SLC1A3: variants seen among roughly 807,000 people sequenced by gnomAD.
SLC1A3 encodes solute carrier family 1 member 3, also known as excitatory amino acid transporter 1.
SLC1A3 carries 21 observed loss-of-function variants against 48.1 expected under a neutral mutation model. That is an observed-to-expected ratio of 0.44 (90% CI 0.31 to 0.63). The LOEUF (loss-of-function observed/expected upper bound fraction) is 0.63. Among genes scored for constraint, SLC1A3 ranks in the 20% least tolerant of loss-of-function variants. The pLI is 0.08. For missense variants in SLC1A3, 546 were observed against 689.0 expected, an observed-to-expected ratio of 0.79 and a Z score of 2.32; for synonymous variants, 239 against 251.4, an observed-to-expected ratio of 0.95 and a Z score of 0.47.
chr5:36,680,263 A>G (rs1742384295), intron 7 of SLC1A3, 132 bp from the exon 8 acceptor site: 36 of 781,256 alleles, frequency 4.6e-5, no homozygotes, highest in Middle Eastern at 6.9e-4. Flanking sequence ...CCCTATTTAT[A>G]CAATTGCTGA....
chr5:36,651,288 AC>A (rs1741059665), intron 3 of SLC1A3, among the ~76,000 whole-genome samples: 1 of 151,682 alleles, frequency 6.6e-6, no homozygotes, highest in South Asian at 2.1e-4. Context: ...CACCATCTGC[AC>A]CCTAGTCTGG....
intron 2 of SLC1A3, among the ~76,000 whole-genome samples, chr5:36,621,198 G>A (rs1215184591): frequency 6.6e-6 from 1 of 152,118 alleles, no homozygotes; most frequent in Non-Finnish European, 1.5e-5. Context: ...GAGCCACCAC[G>A]CCTGGCCGAA....
intron 6 of SLC1A3, among the ~76,000 whole-genome samples, chr5:36,678,056 G>C (rs1742283572): frequency 6.6e-6 from 1 of 152,222 alleles, no homozygotes. Flanking sequence ...CCAACGGGGA[G>C]AGAACGCTTT....
intron 2 of SLC1A3, among the ~76,000 whole-genome samples, chr5:36,615,691 G>A (rs1382046599): frequency 6.6e-6 from 1 of 152,226 alleles, no homozygotes; most frequent in Non-Finnish European, 1.5e-5. Flanking sequence ...ATTGTGAAGA[G>A]CCTAACCTGT....
chr5:36,626,550 A>G (rs1458551843), intron 2 of SLC1A3, among the ~76,000 whole-genome samples: 1 of 152,238 alleles, frequency 6.6e-6, no homozygotes, highest in Non-Finnish European at 1.5e-5. Flanking sequence ...CAGATGACCA[A>G]AATGAGCCCC....
chr5:36,658,256 G>C (rs1211751581), intron 3 of SLC1A3, among the ~76,000 whole-genome samples: 1 of 152,160 alleles, frequency 6.6e-6, no homozygotes, highest in Non-Finnish European at 1.5e-5. Context: ...AGAGCAAAGA[G>C]ACAGAGACAG....
chr5:36,599,814 G>GATTT (rs766789573), intron 1 of SLC1A3, among the ~76,000 whole-genome samples: 119 of 151,294 alleles, frequency 7.9e-4, no homozygotes, highest in African/African-American at 2.2e-3. Flanking sequence ...TTTTGAAGAA[G>GATTT]ATTTATTTAT....
intron 2 of SLC1A3, among the ~76,000 whole-genome samples, chr5:36,621,790 C>T (rs1245778294): frequency 1.3e-5 from 2 of 152,150 alleles, no homozygotes; most frequent in Non-Finnish European, 2.9e-5. Context: ...GCCCAGAGAC[C>T]TCTGCATGTT....
intron 3 of SLC1A3, among the ~76,000 whole-genome samples, chr5:36,653,700 G>A (rs780474310): frequency 2.0e-5 from 3 of 152,168 alleles, no homozygotes; most frequent in South Asian, 4.1e-4. Context: ...ATGGAATGCT[G>A]TGATGCCCTG....
intron 2 of SLC1A3, among the ~76,000 whole-genome samples, chr5:36,613,906 A>T (rs557015723): frequency 6.6e-6 from 1 of 152,254 alleles, no homozygotes; most frequent in East Asian, 1.9e-4. Flanking sequence ...ATACAGAAAA[A>T]TTGTCAGGGC....
At chr5:36,678,971 A>G (rs1218291951) in intron 6 of SLC1A3, among the ~76,000 whole-genome samples, 1 of 152,218 alleles carries the variant, frequency 6.6e-6, no homozygotes, top group Non-Finnish European at 1.5e-5. Context: ...ATTTTCTCTT[A>G]AAGTAAATTT....
chr5:36,629,349 T>A, intron 2 of SLC1A3, 101 bp from the exon 3 acceptor site: 2 of 1,038,822 alleles, frequency 1.9e-6, no homozygotes, highest in Non-Finnish European at 2.9e-6. Flanking sequence ...CTTAAATAAA[T>A]ACAACCACCA....
intron 3 of SLC1A3, among the ~76,000 whole-genome samples, chr5:36,648,916 T>G (rs1740942783): frequency 6.6e-6 from 1 of 152,202 alleles, no homozygotes; most frequent in African/African-American, 2.4e-5. Flanking sequence ...CACAAATACA[T>G]ACTTTTATAC....
intron 3 of SLC1A3, among the ~76,000 whole-genome samples, chr5:36,663,380 ATTTTT>A (rs1156283585): frequency 1.2e-4 from 8 of 69,338 alleles, no homozygotes; most frequent in South Asian, 6.3e-4. Context: ...CACGCCCGGC[ATTTTT>A]TTTTTTTTTT....
chr5:36,631,978 G>A (rs1035651057), intron 3 of SLC1A3, among the ~76,000 whole-genome samples: 2 of 152,210 alleles, frequency 1.3e-5, no homozygotes, highest in African/African-American at 4.8e-5. Flanking sequence ...GAGTGGAAAG[G>A]CAACCTCAAA....
chr5:36,608,670 G>A (rs757269750), intron 2 of SLC1A3, 66 bp downstream of exon 2: 1 of 1,599,016 alleles, frequency 6.3e-7, no homozygotes, highest in South Asian at 1.1e-5. Flanking sequence ...GGCTGCCCGG[G>A]GAATATTATC....
At chr5:36,615,936 G>A (rs897034636) in intron 2 of SLC1A3, among the ~76,000 whole-genome samples, 5 of 152,206 alleles carry the variant, frequency 3.3e-5, no homozygotes, top group African/African-American at 1.2e-4. Flanking sequence ...AGTGGCTCAC[G>A]CCTGTAATCC....
upstream of SLC1A3, among the ~76,000 whole-genome samples, chr5:36,604,376 T>C (rs575036463): frequency 1.3e-5 from 2 of 152,116 alleles, no homozygotes. Flanking sequence ...GGGACTTAAC[T>C]ATAAAGTAGA....
chr5:36,678,955 C>T (rs1742322823), intron 6 of SLC1A3, among the ~76,000 whole-genome samples: 1 of 152,116 alleles, frequency 6.6e-6, no homozygotes, highest in African/African-American at 2.4e-5. Flanking sequence ...TGTACTATAA[C>T]ATAGAATTTT....
Sources: allele counts gnomAD v4.1 joint callset (sites outside exome capture counted in the v4.1 genomes callset), GRCh38; gene constraint gnomAD v4.1.1; transcripts MANE v1.5; gene names NCBI Gene and HGNC (gene_info 2026-07-23, HGNC 2026-07-21).